The following NBEA variants were observed in gnomAD, a reference collection of about 807,000 sequenced individuals.
NBEA encodes the protein neurobeachin, also known as lysosomal-trafficking regulator 2.
NBEA carries 44 observed loss-of-function variants against 343.4 expected under a neutral mutation model. That is an observed-to-expected ratio of 0.13 (90% CI 0.10 to 0.16). NBEA has a LOEUF of 0.16. Among genes scored for constraint, NBEA ranks in the 10% least tolerant of loss-of-function variants. The probability of loss-of-function intolerance (pLI) is 1.00; values close to 1 mark genes in which losing one functional copy is unlikely to be tolerated. For missense variants in NBEA, 2,555 were observed against 3,631.3 expected (o/e 0.70, Z 7.62); for synonymous variants, 1,175 against 1,238.7 (o/e 0.95, Z 1.08).
At chr13:35,156,995 T>G in intron 20 of NBEA, 83 bp from the exon 21 acceptor site, 1 of 1,171,742 alleles carries the variant, frequency 8.5e-7, no homozygotes, top group South Asian at 2.0e-5. Context: ...ATATTTTCAC[T>G]ATTTTATTTA....
Position 35,117,496 on chromosome 13 carries a change from A to G in NBEA, c.2082+3A>G. The G allele has an allele frequency of 7.9e-7, 1 of 1,264,790 alleles. No homozygotes were observed. The highest frequency in any genetic ancestry group is 1.0e-6 in the Non-Finnish European group (1 of 969,822). 78.3% of individuals were successfully genotyped at this position (1,264,790 alleles called of 1,614,324 possible). On this transcript the variant is annotated splice_donor_region_variant and intron_variant, in intron 14 of 58. Coordinates refer to ENST00000379939, the MANE Select transcript of NBEA (RefSeq NM_001385012.1). ...TTCTGAAACAGCTGATACTAAAGGTAAAATAATTTTATATAATTTAAAATA... is the reference window on the plus strand; with the variant it reads ...TTCTGAAACAGCTGATACTAAAGGTGAAATAATTTTATATAATTTAAAATA...
chr13:35,388,351 A>G (rs2042348517), intron 38 of NBEA, among the ~76,000 whole-genome samples: 1 of 152,100 alleles, frequency 6.6e-6, no homozygotes, highest in African/African-American at 2.4e-5. Flanking sequence ...AAGCAACATT[A>G]TTATTTTTTA....
At chr13:35,016,554 A>G (rs1012807063) in intron 1 of NBEA, among the ~76,000 whole-genome samples, 3 of 151,176 alleles carry the variant, frequency 2.0e-5, no homozygotes, top group Non-Finnish European at 4.4e-5. Context: ...CAGAGCTACA[A>G]TACAAGCTCC....
In NBEA at chr13:35,655,728, A is replaced by G. The variant is rs755725170; in HGVS notation, c.8341A>G (p.Ile2781Val). Residue 2781 changes from isoleucine to valine, a missense_variant, in exon 55 of 59, where the codon ATA becomes GTA. By Grantham distance (29) the Ile-to-Val change is conservative. Transcript: ENST00000379939. ...LWYWSGRHHI[I>V]GDNPNSSDYP... ...GTACTGGAGTGGGCGGCACCATATC[A>G]TAGGAGACAACCCTAACAGCAGTGA... The G allele has an allele frequency of 1.2e-6, 2 of 1,613,698 alleles. No individual in the cohort carries two copies. Among genetic ancestry groups the G allele is most frequent in the Admixed American group, 1.7e-5 (1 of 59,976 alleles).
At chr13:35,355,843 A>G (rs1017861635) in intron 38 of NBEA, among the ~76,000 whole-genome samples, 1 of 151,952 alleles carries the variant, frequency 6.6e-6, no homozygotes, top group South Asian at 2.1e-4. Flanking sequence ...ATCATTCTCT[A>G]GCCACTCTGT....
At chr13:34,948,745 T>G (rs1178266545) in intron 1 of NBEA, among the ~76,000 whole-genome samples, 1 of 152,154 alleles carries the variant, frequency 6.6e-6, no homozygotes, top group Non-Finnish European at 1.5e-5. Flanking sequence ...TCACCTGTGT[T>G]ATCTTTGTCA....
At chr13:35,426,100 C>G (rs529711454) in intron 38 of NBEA, among the ~76,000 whole-genome samples, 2 of 152,126 alleles carry the variant, frequency 1.3e-5, no homozygotes, top group African/African-American at 2.4e-5. Flanking sequence ...ACTCTTTATC[C>G]AATTTGCCAG....
At chr13:35,406,385 C>A (rs1360549783) in intron 38 of NBEA, among the ~76,000 whole-genome samples, 1 of 147,238 alleles carries the variant, frequency 6.8e-6, no homozygotes, top group African/African-American at 2.5e-5. Context: ...TGGTGATTTT[C>A]GAGATTTTGG....
At chr13:35,383,148 G>A (rs1023465968) in intron 38 of NBEA, among the ~76,000 whole-genome samples, 2 of 152,098 alleles carry the variant, frequency 1.3e-5, no homozygotes, top group African/African-American at 2.4e-5. Flanking sequence ...TTTAGACATA[G>A]GCTTTAGTGG....
At chr13:35,287,842 A>G (rs1033738042) in intron 34 of NBEA, among the ~76,000 whole-genome samples, 1 of 151,900 alleles carries the variant, frequency 6.6e-6, no homozygotes, top group Non-Finnish European at 1.5e-5. Context: ...CTAGCCACCA[A>G]GTCTCTTCAA....
chr13:35,118,531 C>G, intron 16 of NBEA, 57 bp downstream of exon 16: 1 of 1,198,458 alleles, frequency 8.3e-7, no homozygotes, highest in Non-Finnish European at 1.2e-6. Flanking sequence ...GTTGTTCCTC[C>G]TAGAATAACT....
chr13:35,493,490 A>G (rs923573474), intron 41 of NBEA, among the ~76,000 whole-genome samples: 5 of 151,970 alleles, frequency 3.3e-5, no homozygotes, highest in African/African-American at 1.2e-4. Flanking sequence ...TCTGTTTCCA[A>G]TACTACCAAA....
chr13:35,577,525 T>C (rs890034534), intron 45 of NBEA, among the ~76,000 whole-genome samples: 3 of 152,186 alleles, frequency 2.0e-5, no homozygotes, highest in Non-Finnish European at 4.4e-5. Flanking sequence ...TAGCTTCTTA[T>C]TGATTTGTAA....
At chr13:35,628,370 G>A in intron 49 of NBEA, 122 bp downstream of exon 49, 1 of 724,420 alleles carries the variant, frequency 1.4e-6, no homozygotes, top group Admixed American at 3.8e-5. Context: ...CAGATTTCAG[G>A]TTCTTGACAT....
intron 45 of NBEA, among the ~76,000 whole-genome samples, chr13:35,571,378 T>TTG (rs1424931746): frequency 6.6e-6 from 1 of 152,064 alleles, no homozygotes; most frequent in Non-Finnish European, 1.5e-5. Flanking sequence ...AGTCAAGAGG[T>TTG]TGTAACTGGA....
intron 10 of NBEA, among the ~76,000 whole-genome samples, chr13:35,087,699 A>G (rs9543273): frequency 0.4 from 60,001 of 151,680 alleles, 12,210 homozygotes; most frequent in East Asian, 0.49. Context: ...AAAAGTAGAC[A>G]TTTATGAAAG....
chr13:35,198,778 CG>C (rs780804099), intron 31 of NBEA, among the ~76,000 whole-genome samples: 12 of 151,632 alleles, frequency 7.9e-5, no homozygotes, highest in South Asian at 2.1e-4. Flanking sequence ...ATTGAGGTCT[CG>C]GGGGCGCTGA....
intron 1 of NBEA, among the ~76,000 whole-genome samples, chr13:35,019,101 A>C (rs1488742979): frequency 1.3e-5 from 2 of 151,708 alleles, no homozygotes; most frequent in Non-Finnish European, 2.9e-5. Context: ...GATAAAACCA[A>C]CTTGGTCATG....
chr13:35,000,585 A>T (rs1367290738), intron 1 of NBEA, among the ~76,000 whole-genome samples: 1 of 57,888 alleles, frequency 1.7e-5, no homozygotes, highest in Non-Finnish European at 3.5e-5. Context: ...TATATTTATA[A>T]TATATATAAC....
Sources: gnomAD v4.1 joint callset for allele counts (sites outside exome capture counted in the v4.1 genomes callset) on GRCh38, gnomAD v4.1.1 for gene constraint, MANE v1.5 for transcripts, NCBI Gene and HGNC (gene_info 2026-07-23, HGNC 2026-07-21) for gene names.